EIF3B: variants seen among roughly 807,000 people sequenced by gnomAD.
EIF3B encodes the protein eukaryotic translation initiation factor 3 subunit B.
Under a neutral mutation model 104.6 loss-of-function variants are expected in EIF3B, and 10 were observed. That is an observed-to-expected ratio of 0.10 (90% CI 0.06 to 0.16). The LOEUF is 0.16. EIF3B is among the 10% of genes least tolerant of loss of function. The probability of loss-of-function intolerance (pLI) is 1.00; values close to 1 mark genes in which losing one functional copy is unlikely to be tolerated. For missense variants in EIF3B, 1,014 were observed against 1,087.9 expected (o/e 0.93, Z 0.96); for synonymous variants, 542 against 417.2 (o/e 1.30, Z -3.65).
At chr7:2,371,574 T>C (rs953569551) in intron 10 of EIF3B, among the ~76,000 whole-genome samples, 2 of 152,168 alleles carry the variant, frequency 1.3e-5, no homozygotes, top group African/African-American at 2.4e-5. Flanking sequence ...GTCCAGTGGC[T>C]TCCAGTAGAC....
intron 6 of EIF3B, among the ~76,000 whole-genome samples, chr7:2,365,384 A>G (rs1224760612): frequency 1.3e-5 from 2 of 150,750 alleles, no homozygotes; most frequent in South Asian, 4.2e-4. Flanking sequence ...TGTGAGGCGA[A>G]CGGGGGCCAC....
Position 2,379,408 on chromosome 7 carries a change from G to A in EIF3B, c.2356G>A (p.Glu786Lys), listed in dbSNP as rs141884022. The A allele has an allele frequency of 4.1e-5, 66 of 1,591,436 alleles. No individual in the cohort carries two copies. The highest frequency in any genetic ancestry group is 1.7e-4 in the Middle Eastern group (1 of 6,034). Reference sequence around the variant, plus strand: ...TGTCCCCTCAGGGGTGGACACTGACGAGCTGGACAGCAACGTGGACGACTG... The same window carrying A: ...TGTCCCCTCAGGGGTGGACACTGACAAGCTGGACAGCAACGTGGACGACTG... ...LELRGGVDTD[E>K]LDSNVDDWEE... is the part of the protein sequence containing the mutation. The change falls in exon 18 of 19, where the codon GAG (glutamate) becomes AAG (lysine). Residue 786 changes from glutamate (E) to lysine (K), a missense_variant. Physicochemically the swap from Glu to Lys is moderately conservative, Grantham distance 56. Coordinates refer to ENST00000360876, the MANE Select transcript of EIF3B (RefSeq NM_001037283.2).
intron 13 of EIF3B, 53 bp downstream of exon 13, chr7:2,374,659 G>A (rs922365440): frequency 1.3e-6 from 2 of 1,544,866 alleles, no homozygotes; most frequent in Admixed American, 3.5e-5. Context: ...CTCTGCTGTG[G>A]CAGAGACCCC....
At position 2,355,302 on chromosome 7, in the gene EIF3B, C is replaced by A; in HGVS notation, c.381C>A (p.Asp127Glu). 6.5e-7 allele frequency: 1 copy of A among 1,539,136 alleles called. No individual in the cohort carries two copies. The highest frequency in any genetic ancestry group is 2.4e-5 in the East Asian group (1 of 41,194). ...GCCGGGCCCAGGCGGTGTCCGAGGA[C>A]GCGGGAGGAAACGAGGGCAGAGCGG... Reference protein sequence around the residue: ...SDSRAQAVSEDAGGNEGRAAE... With the variant: ...SDSRAQAVSEEAGGNEGRAAE... The change falls in exon 1 of 19, where the codon GAC becomes GAA. Residue 127 changes from aspartate (D) to glutamate (E), a missense_variant. By Grantham distance (45) the Asp-to-Glu change is conservative. Around this residue, in one of 4 missense-constraint regions of EIF3B, gnomAD observed 488 missense variants for 404.3 expected, o/e 1.21. Coordinates refer to ENST00000360876, the MANE Select transcript of EIF3B (RefSeq NM_001037283.2).
At position 2,366,194 on chromosome 7, in the gene EIF3B, G is replaced by A. The variant is rs577690579; in HGVS notation, c.1158-123G>A. On this transcript the variant is annotated intron_variant, in intron 6 of 18. Transcript: ENST00000360876. ...TTCCGCTTGGGTCTCTTGGGGCCGG[G>A]CAGTGTGGGGTTTGGGGAGAGAGCT... is the stretch of plus-strand genomic sequence containing the variant. The A allele has an allele frequency of 6.0e-4, 618 of 1,030,098 alleles. 6 individuals are homozygous for A. In the African/African-American group the frequency reaches 8.5e-3, roughly 14 times the overall value. 63.8% of individuals were successfully genotyped at this position (1,030,098 alleles called of 1,614,324 possible).
At chr7:2,370,483 A>C (rs900941334) in intron 10 of EIF3B, among the ~76,000 whole-genome samples, 3 of 150,830 alleles carry the variant, frequency 2.0e-5, no homozygotes, top group Non-Finnish European at 2.9e-5. Context: ...GCGTCTCACA[A>C]AAAAAAAGAA....
chr7:2,379,055 G>A (rs570260075), intron 16 of EIF3B, 79 bp from the exon 17 acceptor site: 417 of 1,246,754 alleles, frequency 3.3e-4, no homozygotes, highest in Admixed American at 5.2e-4. Context: ...TTCTGGCACC[G>A]TCCGCCTGGG....
intron 12 of EIF3B, 79 bp from the exon 13 acceptor site, chr7:2,374,449 G>A (rs557336327): frequency 1.3e-5 from 19 of 1,419,838 alleles, no homozygotes; most frequent in African/African-American, 8.4e-5. Context: ...GCATGAGCAC[G>A]GCCAAGTCCT....
intron 6 of EIF3B, 30 bp downstream of exon 6, chr7:2,364,559 T>C (rs1350369037): frequency 1.3e-6 from 2 of 1,594,048 alleles, no homozygotes; most frequent in Non-Finnish European, 1.7e-6. Context: ...CAGGGGAGTC[T>C]ATGCATTTCA....
At chr7:2,371,301 G>A (rs1481739022) in intron 10 of EIF3B, among the ~76,000 whole-genome samples, 2 of 152,204 alleles carry the variant, frequency 1.3e-5, no homozygotes, top group East Asian at 3.8e-4. Flanking sequence ...GGTGGACCCC[G>A]TTTCTTGGCC....
chr7:2,379,373 C>G, intron 17 of EIF3B, 21 bp from the exon 18 acceptor site: 1 of 1,570,544 alleles, frequency 6.4e-7, no homozygotes, highest in East Asian at 2.3e-5. Flanking sequence ...CATGGGTGAT[C>G]TGCGCCCTTT....
At chr7:2,378,282 C>T in intron 15 of EIF3B, 2 of 224,410 alleles carry the variant, frequency 8.9e-6, no homozygotes, top group Non-Finnish European at 1.8e-5. Context: ...TGTGAATGAC[C>T]CTCGGTGTCA....
intron 7 of EIF3B, 26 bp downstream of exon 7, chr7:2,366,474 T>G: frequency 6.2e-7 from 1 of 1,614,158 alleles, no homozygotes; most frequent in Non-Finnish European, 8.5e-7. Flanking sequence ...TAACGAGCTC[T>G]GTAGCCTTTG....
intron 15 of EIF3B, among the ~76,000 whole-genome samples, chr7:2,377,530 AAGG>A (rs1252184243): frequency 8.3e-6 from 1 of 120,952 alleles, no homozygotes; most frequent in Non-Finnish European, 1.8e-5. Flanking sequence ...CCTGGGTGTC[AAGG>A]AGGAAGGAGC....
chr7:2,358,975 T>C (rs764002481), intron 1 of EIF3B, among the ~76,000 whole-genome samples: 16 of 152,098 alleles, frequency 1.1e-4, no homozygotes, highest in Non-Finnish European at 2.1e-4. Flanking sequence ...TCCCTGCTAC[T>C]TGGGAGGCTG....
At chr7:2,367,683 T>C (rs1054479798) in intron 9 of EIF3B, among the ~76,000 whole-genome samples, 8 of 152,032 alleles carry the variant, frequency 5.3e-5, no homozygotes, top group African/African-American at 1.9e-4. Context: ...TTGGCTGGGC[T>C]GGTCTCAAAC....
chr7:2,361,718 CTCTCT>C (rs1779738929), intron 2 of EIF3B, among the ~76,000 whole-genome samples: 1 of 152,102 alleles, frequency 6.6e-6, no homozygotes, highest in African/African-American at 2.4e-5. Context: ...CGCGCCCGGC[CTCTCT>C]GAGCTTCTTT....
rs369063429 is a variant in EIF3B, at chr7:2,355,279, C to G, written c.358C>G (p.Arg120Gly). 5 of 1,534,274 alleles carry G rather than the reference C, an allele frequency of 3.3e-6. No homozygotes were observed. The highest frequency in any genetic ancestry group is 4.4e-6 in the Non-Finnish European group (5 of 1,147,190). The change falls in exon 1 of 19, where the codon CGG becomes GGG. Residue 120 changes from arginine to glycine, a missense_variant. Physicochemically the swap from Arg to Gly is moderately radical, Grantham distance 125 (BLOSUM62 -2). Around this residue, in one of 4 missense-constraint regions of EIF3B, gnomAD observed 488 missense variants for 404.3 expected, o/e 1.21. Coordinates refer to ENST00000360876, the MANE Select transcript of EIF3B (RefSeq NM_001037283.2). ...GGCTCGGGACGAGCGCTCCGACAGC[C>G]GGGCCCAGGCGGTGTCCGAGGACGC... ...EQARDERSDS[R>G]AQAVSEDAGG...
At chr7:2,358,826 G>A (rs1303484343) in intron 1 of EIF3B, among the ~76,000 whole-genome samples, 1 of 152,198 alleles carries the variant, frequency 6.6e-6, no homozygotes, top group African/African-American at 2.4e-5. Flanking sequence ...ACTGAGCCTG[G>A]CCGTGTTCTA....
Sources: gnomAD v4.1 joint callset for allele counts (sites outside exome capture counted in the v4.1 genomes callset) on GRCh38, gnomAD v4.1.1 for gene constraint, gnomAD v4.1.1 regional missense constraint, MANE v1.5 for transcripts, NCBI Gene and HGNC (gene_info 2026-07-23, HGNC 2026-07-21) for gene names.